The following ATOSA variants were observed in gnomAD, a reference collection of about 807,000 sequenced individuals.
ATOSA encodes the protein atos homolog protein A.
the ATOSA span, chr15:52,610,278 A>C: frequency 1.9e-6 from 3 of 1,613,922 alleles, no homozygotes; most frequent in Non-Finnish European, 2.5e-6. Flanking sequence ...AGGACTGAAC[A>C]CTGACTTTCA....
At chr15:52,655,669 A>G in the ATOSA span, among the ~76,000 whole-genome samples, 15 of 152,296 alleles carry the variant, frequency 9.8e-5, no homozygotes, top group African/African-American at 3.6e-4. Flanking sequence ...TGTGCTACAC[A>G]TATAGGATAT....
chr15:52,644,587 C>T, the ATOSA span, among the ~76,000 whole-genome samples: 1 of 152,164 alleles, frequency 6.6e-6, no homozygotes, highest in African/African-American at 2.4e-5. Flanking sequence ...ATTTTGTTTT[C>T]TTAGTTTCAG....
the ATOSA span, among the ~76,000 whole-genome samples, chr15:52,707,926 C>A: frequency 2.0e-5 from 3 of 152,150 alleles, no homozygotes; most frequent in Non-Finnish European, 2.9e-5. Flanking sequence ...CCCCTGAATG[C>A]CATTTTGCTT....
the ATOSA span, among the ~76,000 whole-genome samples, chr15:52,647,230 A>T: frequency 1.1e-5 from 1 of 88,380 alleles, no homozygotes; most frequent in African/African-American, 4.0e-5. Flanking sequence ...GGAGGGCTAA[A>T]TTAGTTTATG....
At chr15:52,609,086 T>A in the ATOSA span, 2 of 1,612,948 alleles carry the variant, frequency 1.2e-6, no homozygotes, top group Non-Finnish European at 1.7e-6. Context: ...ATTGAGGAAG[T>A]TGATAAACTA....
At chr15:52,664,756 T>C in the ATOSA span, among the ~76,000 whole-genome samples, 2 of 152,096 alleles carry the variant, frequency 1.3e-5, no homozygotes, top group Non-Finnish European at 2.9e-5. Flanking sequence ...CTCGGCAACA[T>C]AGCAAGACCA....
At chr15:52,598,783 T>A in the ATOSA span, 2 of 152,324 alleles carry the variant, frequency 1.3e-5, no homozygotes, top group South Asian at 4.2e-4. Flanking sequence ...TGTTGAAATG[T>A]AATCCCCAAA....
At chr15:52,582,403 C>T in the ATOSA span, 1 of 1,067,922 alleles carries the variant, frequency 9.4e-7, no homozygotes, top group Non-Finnish European at 1.3e-6. Flanking sequence ...ACAAATCTTG[C>T]TACAATATTA....
the ATOSA span, chr15:52,651,990 C>G: frequency 6.5e-7 from 1 of 1,527,936 alleles, no homozygotes; most frequent in Non-Finnish European, 8.7e-7. Context: ...ATGTCTGCAG[C>G]GGTTAAAACA....
chr15:52,695,094 T>C, the ATOSA span, among the ~76,000 whole-genome samples: 1 of 151,834 alleles, frequency 6.6e-6, no homozygotes, highest in Non-Finnish European at 1.5e-5. Context: ...CTGGCTAATT[T>C]TTGTGTTTTT....
the ATOSA span, among the ~76,000 whole-genome samples, chr15:52,676,125 A>G: frequency 6.6e-6 from 1 of 152,238 alleles, no homozygotes; most frequent in African/African-American, 2.4e-5. Flanking sequence ...TCAAACCAGA[A>G]GCGTGAACAT....
the ATOSA span, among the ~76,000 whole-genome samples, chr15:52,628,798 A>G: frequency 0.018 from 2,688 of 152,320 alleles, 85 homozygotes; most frequent in African/African-American, 0.062. Flanking sequence ...AGTATAACAC[A>G]AAACAAAAAC....
chr15:52,697,031 C>T, the ATOSA span, among the ~76,000 whole-genome samples: 1 of 152,114 alleles, frequency 6.6e-6, no homozygotes, highest in Admixed American at 6.5e-5. Flanking sequence ...GTCTGGCTAG[C>T]ATACAGGATA....
the ATOSA span, among the ~76,000 whole-genome samples, chr15:52,651,065 A>G: frequency 6.6e-6 from 1 of 152,178 alleles, no homozygotes; most frequent in Admixed American, 6.5e-5. Context: ...ATTATCACAT[A>G]TATTATATTA....
chr15:52,635,094 C>T, the ATOSA span, among the ~76,000 whole-genome samples: 1,552 of 152,202 alleles, frequency 0.01, 26 homozygotes, highest in African/African-American at 0.036. Flanking sequence ...TCACCAAGGG[C>T]GTATAACAGC....
the ATOSA span, among the ~76,000 whole-genome samples, chr15:52,604,830 G>A: frequency 1.3e-5 from 2 of 152,184 alleles, no homozygotes; most frequent in South Asian, 4.2e-4. Context: ...CCAGTTAGTG[G>A]TATCAGTAAG....
the ATOSA span, among the ~76,000 whole-genome samples, chr15:52,672,172 C>CAAAAAAAA: frequency 0.082 from 5,121 of 62,410 alleles, 1,192 homozygotes; most frequent in African/African-American, 0.13. Context: ...CCCCATTTCT[C>CAAAAAAAA]AAAAAAAAAA....
the ATOSA span, chr15:52,651,991 G>A: frequency 3.6e-3 from 5,444 of 1,528,148 alleles, 18 homozygotes; most frequent in Non-Finnish European, 4.4e-3. Flanking sequence ...TGTCTGCAGC[G>A]GTTAAAACAA....
chr15:52,707,192 G>T, the ATOSA span, among the ~76,000 whole-genome samples: 3 of 152,306 alleles, frequency 2.0e-5, no homozygotes, highest in African/African-American at 7.2e-5. Context: ...ACCAAGAATG[G>T]ATGCTAAATC....
Sources: allele counts gnomAD v4.1 joint callset (sites outside exome capture counted in the v4.1 genomes callset), GRCh38; gene constraint gnomAD v4.1.1; transcripts MANE v1.5; gene names NCBI Gene and HGNC (gene_info 2026-07-23, HGNC 2026-07-21).